Variants in SIK3 observed in about 807,000 individuals in gnomAD.
The protein encoded by SIK3 is SIK family kinase 3, also known as serine/threonine-protein kinase SIK3.
SIK3 carries 28 observed loss-of-function variants against 144.2 expected under a neutral mutation model. The ratio of observed to expected loss-of-function variants is 0.19; its 90% CI spans 0.14 to 0.27. The LOEUF (loss-of-function observed/expected upper bound fraction) is 0.27, where lower values mean the gene tolerates loss of function less well. Ranked by LOEUF, SIK3 falls within the 10% of genes least tolerant of loss-of-function variation. The pLI is 1.00. For synonymous variants in SIK3, 686 were observed against 676.3 expected (o/e 1.01, Z -0.22); for missense variants, 1,319 against 1,776.0 (o/e 0.74, Z 4.62).
chr11:116,863,744 C>T lies in SIK3; in HGVS notation c.2027G>A (p.Gly676Glu). Reference protein sequence around the residue: ...RFSPVRRFSDGAASIQAFKAH... With the variant: ...RFSPVRRFSDEAASIQAFKAH... ...TTTGAAGGCCTGGATGCTCGCAGCC[C>T]CATCTGAGAACCGGCGCACAGGGGA... Residue 676 changes from glycine (G) to glutamate (E), a missense_variant, in exon 16 of 25, where the codon GGG (glycine) becomes GAG (glutamate). Gly to Glu is a moderately conservative substitution (Grantham distance 98). This residue lies in a region of SIK3 where 77 missense variants were observed against 141.9 expected (regional missense o/e 0.54). Transcript: ENST00000445177. 6.2e-7 allele frequency: 1 copy of T among 1,614,126 alleles called. No individual in the cohort carries two copies. Among genetic ancestry groups the T allele is most frequent in the Non-Finnish European group, 8.5e-7 (1 of 1,180,024 alleles).
chr11:117,030,461 T>C (rs141951618), intron 1 of SIK3, among the ~76,000 whole-genome samples: 1 of 152,298 alleles, frequency 6.6e-6, no homozygotes, highest in African/African-American at 2.4e-5. Flanking sequence ...GTGATAAAAA[T>C]ACTCATGATA....
chr11:116,896,852 CCT>C (rs1448959519), intron 5 of SIK3, among the ~76,000 whole-genome samples: 2 of 151,924 alleles, frequency 1.3e-5, no homozygotes, highest in African/African-American at 4.8e-5. Flanking sequence ...ATGGTGAAAC[CCT>C]GTCTCTATTA....
At chr11:117,042,964 T>G (rs1330685238) in intron 1 of SIK3, among the ~76,000 whole-genome samples, 1 of 152,234 alleles carries the variant, frequency 6.6e-6, no homozygotes, top group Admixed American at 6.5e-5. Flanking sequence ...CAATGATATC[T>G]GTTGAACCAA....
intron 1 of SIK3, among the ~76,000 whole-genome samples, chr11:117,061,187 T>C (rs1445767779): frequency 1.3e-5 from 2 of 152,024 alleles, no homozygotes; most frequent in Non-Finnish European, 2.9e-5. Flanking sequence ...TTCAGGGCTG[T>C]GGTAAGCTGC....
chr11:117,058,914 C>T (rs1222041482), intron 1 of SIK3, among the ~76,000 whole-genome samples: 2 of 152,242 alleles, frequency 1.3e-5, no homozygotes, highest in Non-Finnish European at 2.9e-5. Flanking sequence ...GAAAGAAGAA[C>T]AAAGATGCAG....
At chr11:116,954,532 A>G (rs895059993) in intron 2 of SIK3, among the ~76,000 whole-genome samples, 5 of 151,924 alleles carry the variant, frequency 3.3e-5, no homozygotes, top group Admixed American at 2.6e-4. Flanking sequence ...TGGGAGTCAC[A>G]TAAGAACGCC....
chr11:116,884,821 A>G (rs1449081248), intron 6 of SIK3, among the ~76,000 whole-genome samples: 1 of 152,270 alleles, frequency 6.6e-6, no homozygotes, highest in South Asian at 2.1e-4. Context: ...AAGAAAATAC[A>G]CAACCTTGGA....
chr11:116,907,987 T>TAAA lies in SIK3; in HGVS notation c.617-10673_617-10671dup, dbSNP rs34564120. Among the ~76,000 whole-genome samples the TAAA allele has an allele frequency of 2.9e-5, 4 of 138,594 alleles. No individual in the cohort carries two copies. The East Asian group carries it at 6.3e-4, about 22-fold the overall frequency. The allele number at this position is 138,594 out of a possible 152,430, so 90.9% of individuals were successfully genotyped here. ...AAGGTAAAACTATCACGTTTTTATTTAAAAAAAAAAAAAAAAAGCAGGTAT... is the reference window on the plus strand; with the variant it reads ...AAGGTAAAACTATCACGTTTTTATTTAAAAAAAAAAAAAAAAAAAAGCAGGTAT... On this transcript the variant is annotated intron_variant, in intron 4 of 24. Transcript: ENST00000445177.
intron 1 of SIK3, among the ~76,000 whole-genome samples, chr11:117,021,112 A>G (rs187198832): frequency 5.7e-4 from 87 of 152,264 alleles, no homozygotes; most frequent in African/African-American, 1.7e-3. Context: ...GTGTGTGGGG[A>G]CACACTCCCA....
chr11:116,899,662 G>T (rs1470938486), intron 4 of SIK3, among the ~76,000 whole-genome samples: 2 of 152,172 alleles, frequency 1.3e-5, no homozygotes, highest in Non-Finnish European at 2.9e-5. Context: ...AGACGCAGCA[G>T]ATGGGAGGTA....
In SIK3 at chr11:116,844,482, TG is replaced by T. The variant is rs1565344602; in HGVS notation, c.*1160del. ...TGATCAAGAATTAAAATATAGGGGC[TG>T]AGGGTACCCAGTGGGGAAGAGGAGG... On this transcript the variant is annotated 3_prime_UTR_variant, in exon 25 of 25. Coordinates refer to ENST00000445177, the MANE Select transcript of SIK3 (RefSeq NM_001366686.3). 1 of 149,292 alleles carries T rather than the reference TG, an allele frequency of 6.7e-6. No individual in the cohort carries two copies. The allele number at this position is 149,292 out of a possible 1,614,324, so 9.2% of individuals were successfully genotyped here.
At chr11:117,065,723 G>A (rs550130007) in intron 1 of SIK3, among the ~76,000 whole-genome samples, 10 of 151,664 alleles carry the variant, frequency 6.6e-5, no homozygotes, top group African/African-American at 2.4e-4. Context: ...ACTACCTCCA[G>A]GATTCAAGCA....
chr11:116,857,693 G>T, intron 21 of SIK3, 117 bp downstream of exon 21: 1 of 1,450,854 alleles, frequency 6.9e-7, no homozygotes, highest in South Asian at 1.5e-5. Flanking sequence ...AGGTCGTGAA[G>T]CTCAGAAATT....
chr11:116,907,607 C>T (rs1159996214), intron 4 of SIK3, among the ~76,000 whole-genome samples: 1 of 152,050 alleles, frequency 6.6e-6, no homozygotes, highest in African/African-American at 2.4e-5. Flanking sequence ...GAAATTGCAC[C>T]CTGCACTCTA....
At position 117,098,236 on chromosome 11, in the gene SIK3, G is replaced by T; in HGVS notation, c.180C>A (p.Pro60=). The T allele has an allele frequency of 2.0e-6, 3 of 1,490,226 alleles. No individual in the cohort carries two copies. Among genetic ancestry groups the T allele is most frequent in the Non-Finnish European group, 2.7e-6 (3 of 1,118,592 alleles). The allele number at this position is 1,490,226 out of a possible 1,614,324, so 92.3% of individuals were successfully genotyped here. The change falls in exon 1 of 25, where the codon CCC becomes CCA. Residue 60 remains proline (P), a synonymous_variant. Coordinates refer to ENST00000445177, the MANE Select transcript of SIK3 (RefSeq NM_001366686.3). ...CGATCTCGTAGTAGCCGATACGGGC[G>T]GGCATGGGTCCGCGGGAGGCCGGGG... ...PPAPASRGPM[P]ARIGYYEIDR... is the part of the protein sequence containing the mutation.
At chr11:117,017,134 A>G (rs560932659) in intron 1 of SIK3, among the ~76,000 whole-genome samples, 1 of 152,310 alleles carries the variant, frequency 6.6e-6, no homozygotes, top group South Asian at 2.1e-4. Flanking sequence ...GCACGTGCCT[A>G]TAGTCCCAGC....
Position 116,974,890 on chromosome 11 carries a change from G to T in SIK3, c.274-17826C>A, listed in dbSNP as rs1351766081. Among the ~76,000 whole-genome samples, 4 of 152,200 alleles carry T rather than the reference G, an allele frequency of 2.6e-5. No individual in the cohort carries two copies. In the East Asian group the frequency reaches 7.7e-4, roughly 29 times the overall value. ...CCATGTTTTCTTGTTGGCCTGTACT[G>T]CCAGAAAGCAAAAGCTAAGTGAACT... is the stretch of plus-strand genomic sequence containing the variant. On this transcript the variant is annotated intron_variant, in intron 1 of 24. Transcript: ENST00000445177.
intron 3 of SIK3, among the ~76,000 whole-genome samples, chr11:116,944,798 G>A (rs1306519570): frequency 6.6e-6 from 1 of 152,146 alleles, no homozygotes; most frequent in Non-Finnish European, 1.5e-5. Context: ...GAACTTGTAG[G>A]TGACAGCAGA....
intron 1 of SIK3, among the ~76,000 whole-genome samples, chr11:117,078,891 G>A (rs561236394): frequency 1.3e-5 from 2 of 151,940 alleles, no homozygotes; most frequent in South Asian, 4.2e-4. Flanking sequence ...TTAGAAAACT[G>A]TGAGAAAAAT....
Sources: gnomAD v4.1 joint callset for allele counts (sites outside exome capture counted in the v4.1 genomes callset) on GRCh38, gnomAD v4.1.1 for gene constraint, gnomAD v4.1.1 regional missense constraint, MANE v1.5 for transcripts, NCBI Gene and HGNC (gene_info 2026-07-23, HGNC 2026-07-21) for gene names.